BACH2: variants seen among roughly 807,000 people sequenced by gnomAD.
BACH2 encodes transcription regulator protein BACH2.
In BACH2, 5 loss-of-function variants were observed where a neutral mutation model predicts 61.8. That is an observed-to-expected ratio of 0.08 (90% CI 0.04 to 0.17). The LOEUF (loss-of-function observed/expected upper bound fraction) is 0.17, where lower values mean the gene tolerates loss of function less well. Ranked by LOEUF, BACH2 falls within the 10% of genes least tolerant of loss-of-function variation. The pLI is 1.00. For synonymous variants in BACH2, 446 were observed against 440.1 expected (o/e 1.01, Z -0.17); for missense variants, 824 against 1,091.1 (o/e 0.76, Z 3.45).
In BACH2 at chr6:90,039,392, CTT is replaced by C. The variant is rs551268944; in HGVS notation, c.-12-30538_-12-30537del. ...CTCCTGCCAGCAATGTACAAGAGTA[CTT>C]TTTTTTTTGAGATGGAGTCTCACTG... On this transcript the variant is annotated intron_variant, in intron 5 of 8. Transcript: ENST00000257749. 4.0e-5 allele frequency among the ~76,000 whole-genome samples: 6 copies of C among 149,560 alleles called. No individual in the cohort carries two copies. The Middle Eastern group carries it at 0.01, about 261-fold the overall frequency.
chr6:90,102,040 T>C (rs1582360817), intron 4 of BACH2, among the ~76,000 whole-genome samples: 1 of 152,202 alleles, frequency 6.6e-6, no homozygotes, highest in Non-Finnish European at 1.5e-5. Flanking sequence ...GGTTTTTTCG[T>C]GTGTGGTTTA....
chr6:89,944,057 C>T (rs146159886), intron 7 of BACH2, among the ~76,000 whole-genome samples: 33 of 152,324 alleles, frequency 2.2e-4, no homozygotes, highest in African/African-American at 7.2e-4. Context: ...ATGTTTCTCG[C>T]GCAATTGTCC....
chr6:89,991,194 G>A (rs1776529680), intron 6 of BACH2, among the ~76,000 whole-genome samples: 1 of 152,176 alleles, frequency 6.6e-6, no homozygotes, highest in African/African-American at 2.4e-5. Flanking sequence ...ACACAGAGCA[G>A]GTACTCAGTA....
intron 4 of BACH2, among the ~76,000 whole-genome samples, chr6:90,143,139 G>A (rs796343925): frequency 2.6e-5 from 4 of 152,286 alleles, no homozygotes; most frequent in African/African-American, 7.2e-5. Flanking sequence ...GACAGTGACA[G>A]GGATAGGTCT....
chr6:90,170,385 C>A (rs896404560), intron 4 of BACH2, among the ~76,000 whole-genome samples: 1 of 152,178 alleles, frequency 6.6e-6, no homozygotes, highest in African/African-American at 2.4e-5. Flanking sequence ...TGTTAACTGT[C>A]CATCTCCTCC....
chr6:90,223,205 TAATA>T (rs1308119571), intron 3 of BACH2, among the ~76,000 whole-genome samples: 2 of 152,082 alleles, frequency 1.3e-5, no homozygotes, highest in Non-Finnish European at 2.9e-5. Flanking sequence ...TTCCAACACT[TAATA>T]AACATGTGCT....
At chr6:90,175,736 T>TAG (rs1301851780) in intron 4 of BACH2, among the ~76,000 whole-genome samples, 1 of 152,152 alleles carries the variant, frequency 6.6e-6, no homozygotes, top group African/African-American at 2.4e-5. Context: ...CCTTTCTGGC[T>TAG]AGAGAGAGAC....
At chr6:90,050,158 AT>A (rs922498181) in intron 5 of BACH2, among the ~76,000 whole-genome samples, 13 of 152,054 alleles carry the variant, frequency 8.5e-5, no homozygotes, top group Non-Finnish European at 1.3e-4. Flanking sequence ...TTAATAGGTG[AT>A]TTTTTTTGAA....
At chr6:90,071,404 T>G (rs1175674991) in intron 5 of BACH2, among the ~76,000 whole-genome samples, 3 of 152,202 alleles carry the variant, frequency 2.0e-5, no homozygotes, top group Non-Finnish European at 4.4e-5. Context: ...CAGCAAATTT[T>G]GCCAGAAAGG....
intron 1 of BACH2, among the ~76,000 whole-genome samples, chr6:90,276,189 A>G (rs941263929): frequency 2.6e-5 from 4 of 152,196 alleles, no homozygotes; most frequent in East Asian, 1.9e-4. Context: ...AATTAATGTT[A>G]TATTTCCTAC....
intron 2 of BACH2, among the ~76,000 whole-genome samples, chr6:90,254,946 C>T (rs1429810767): frequency 3.9e-5 from 6 of 152,144 alleles, no homozygotes; most frequent in Admixed American, 6.5e-5. Context: ...CCTCCATTAA[C>T]GCTCCAAAAT....
chr6:90,066,933 T>C (rs559834098), intron 5 of BACH2, among the ~76,000 whole-genome samples: 30 of 152,324 alleles, frequency 2.0e-4, no homozygotes, highest in Admixed American at 1.5e-3. Flanking sequence ...CCACTGATGA[T>C]GGTATTCATC....
chr6:90,294,683 CG>C (rs1408734314), intron 1 of BACH2, among the ~76,000 whole-genome samples: 1 of 152,132 alleles, frequency 6.6e-6, no homozygotes, highest in Non-Finnish European at 1.5e-5. Context: ...GCCGTTTACT[CG>C]GGAGGTGCCC....
rs1041369821 is a variant in BACH2 at position 90,225,678 on chromosome 6, T to C, written c.-274-18997A>G. Reference sequence around the variant, plus strand: ...ATGCATTTGGGACTTAATACCTAGGTGATAGGTTGATAGGTGCAGCAAACC... The same window carrying C: ...ATGCATTTGGGACTTAATACCTAGGCGATAGGTTGATAGGTGCAGCAAACC... On this transcript the variant is annotated intron_variant, in intron 3 of 8. Transcript: ENST00000257749. 2.0e-5 allele frequency among the ~76,000 whole-genome samples: 3 copies of C among 151,930 alleles called. No homozygotes were observed. The East Asian group carries it at 5.8e-4, about 29-fold the overall frequency.
At chr6:90,026,701 T>C (rs1778653726) in intron 5 of BACH2, among the ~76,000 whole-genome samples, 2 of 152,150 alleles carry the variant, frequency 1.3e-5, no homozygotes, top group Non-Finnish European at 2.9e-5. Flanking sequence ...CCCCAGCTCC[T>C]AAGAGGGCAC....
At chr6:90,006,265 G>A (rs1467146643) in intron 6 of BACH2, among the ~76,000 whole-genome samples, 2 of 152,188 alleles carry the variant, frequency 1.3e-5, no homozygotes, top group African/African-American at 4.8e-5. Context: ...ATGCCTACTA[G>A]AGGATAAGGG....
intron 5 of BACH2, among the ~76,000 whole-genome samples, chr6:90,041,828 TATTA>T (rs1779550639): frequency 1.3e-5 from 2 of 152,222 alleles, no homozygotes; most frequent in Non-Finnish European, 2.9e-5. Flanking sequence ...CTTTTGCATT[TATTA>T]ATTCTTCAAT....
intron 4 of BACH2, among the ~76,000 whole-genome samples, chr6:90,113,039 C>G (rs1345065735): frequency 6.6e-6 from 1 of 152,170 alleles, no homozygotes; most frequent in South Asian, 2.1e-4. Flanking sequence ...ATGTTCAATT[C>G]AACAAGAACA....
At chr6:90,182,120 T>TGCAGCC (rs1768186162) in intron 4 of BACH2, among the ~76,000 whole-genome samples, 1 of 152,208 alleles carries the variant, frequency 6.6e-6, no homozygotes, top group African/African-American at 2.4e-5. Flanking sequence ...ACATGAGGCT[T>TGCAGCC]TTGGTTGATG....
Sources: allele counts gnomAD v4.1 joint callset (sites outside exome capture counted in the v4.1 genomes callset), GRCh38; gene constraint gnomAD v4.1.1; transcripts MANE v1.5; gene names NCBI Gene and HGNC (gene_info 2026-07-23, HGNC 2026-07-21).